ENTPD5: variants seen among roughly 807,000 people sequenced by gnomAD.
ENTPD5 encodes the protein ectonucleoside triphosphate diphosphohydrolase 5 (inactive).
Under a neutral mutation model 60.2 loss-of-function variants are expected in ENTPD5, and 49 were observed. That is an observed-to-expected ratio of 0.81 (90% CI 0.65 to 1.03). ENTPD5 has a LOEUF of 1.03. ENTPD5 is among the 50% of genes least tolerant of loss of function. ENTPD5 has a pLI of 0.00. For synonymous variants in ENTPD5, 187 were observed against 185.4 expected (o/e 1.01, Z -0.07); for missense variants, 480 against 507.6 (o/e 0.95, Z 0.52).
rs1300601970 is a variant in ENTPD5 at position 74,019,247 on chromosome 14, C to T, written c.-238+3G>A. ...CCGGCGCCGCCGACACTCGCACACTCACCGCGCGCGCGCCACCCTTGCGCG... is the reference window on the plus strand; with the variant it reads ...CCGGCGCCGCCGACACTCGCACACTTACCGCGCGCGCGCCACCCTTGCGCG... On this transcript the variant is annotated splice_donor_region_variant and intron_variant, in intron 1 of 15. Transcript: ENST00000334696. 1 of 216,122 alleles carries T rather than the reference C, an allele frequency of 4.6e-6. No individual in the cohort carries two copies. Among genetic ancestry groups the T allele is most frequent in the East Asian group, 1.8e-4 (1 of 5,506 alleles). 13.4% of individuals were successfully genotyped at this position (216,122 alleles called of 1,614,324 possible).
intron 3 of ENTPD5, 61 bp downstream of exon 3, chr14:74,011,030 G>T: frequency 3.5e-6 from 1 of 286,150 alleles, no homozygotes; most frequent in Non-Finnish European, 5.2e-6. Flanking sequence ...GAACAACAAA[G>T]CAGAATTTGC....
Position 73,987,014 on chromosome 14 carries a change from T to A in ENTPD5, c.218-121A>T, listed in dbSNP as rs28758488. ...ACTTCCCTGAAGTTATCCCAAATGA[T>A]CCTAGTTGTGAGGAATGTCTTGCAG... On this transcript the variant is annotated intron_variant, in intron 4 of 15. Coordinates refer to ENST00000334696, the MANE Select transcript of ENTPD5 (RefSeq NM_001249.5). The A allele has an allele frequency of 2.2e-3, 1,699 of 776,156 alleles. 20 individuals are homozygous for A. The African/African-American group carries it at 0.026, about 12-fold the overall frequency. 48.1% of individuals were successfully genotyped at this position (776,156 alleles called of 1,614,324 possible). A position where few individuals can be genotyped will look rare whatever the true frequency, so the allele number is the denominator to read the frequency against.
At chr14:73,967,571 C>G (rs1449221788) in intron 15 of ENTPD5, among the ~76,000 whole-genome samples, 2 of 152,060 alleles carry the variant, frequency 1.3e-5, no homozygotes, top group Non-Finnish European at 2.9e-5. Context: ...CTTTGGGAGG[C>G]CAAGGCAGGT....
chr14:73,960,468 A>G (rs1231810804), downstream of ENTPD5: 1 of 992,576 alleles, frequency 1.0e-6, no homozygotes, highest in Non-Finnish European at 1.2e-6. Context: ...GCTCTGTAGT[A>G]GCAACAAGAA....
chr14:73,963,262 A>G lies in ENTPD5; in HGVS notation c.*3666T>C. On this transcript the variant is annotated 3_prime_UTR_variant, in exon 16 of 16. Transcript: ENST00000334696. ...GAAAAGAGCTTTTTATTACTAAAAAACCCACAAGGTGCTGTCTCACTCATT... is the reference window on the plus strand; with the variant it reads ...GAAAAGAGCTTTTTATTACTAAAAAGCCCACAAGGTGCTGTCTCACTCATT... 1.8e-6 allele frequency: 1 copy of G among 561,644 alleles called. No homozygotes were observed. 34.8% of individuals were successfully genotyped at this position (561,644 alleles called of 1,614,324 possible).
intron 2 of ENTPD5, among the ~76,000 whole-genome samples, chr14:74,015,140 T>A (rs12893760): frequency 6.6e-6 from 1 of 151,876 alleles, no homozygotes; most frequent in African/African-American, 2.4e-5. Context: ...AATATATTTA[T>A]TCAGGATTCT....
chr14:73,987,840 A>G (rs1343328354), intron 4 of ENTPD5, 46 bp downstream of exon 4: 32 of 1,568,642 alleles, frequency 2.0e-5, no homozygotes, highest in Non-Finnish European at 2.7e-5. Flanking sequence ...AGGAGATGCT[A>G]AAGTGTGGAT....
chr14:74,016,926 AC>A (rs1374034723), intron 1 of ENTPD5, among the ~76,000 whole-genome samples: 1 of 152,230 alleles, frequency 6.6e-6, no homozygotes, highest in East Asian at 1.9e-4. Flanking sequence ...ATTAATGGTA[AC>A]TTTATAGATT....
chr14:73,969,051 C>A (rs1399268668), intron 15 of ENTPD5, among the ~76,000 whole-genome samples: 2 of 152,192 alleles, frequency 1.3e-5, no homozygotes, highest in African/African-American at 2.4e-5. Context: ...ACTGGTGACA[C>A]CCTCTTGGTC....
downstream of ENTPD5, chr14:73,955,997 A>G (rs751093818): frequency 6.2e-7 from 1 of 1,602,328 alleles, no homozygotes; most frequent in Non-Finnish European, 8.5e-7. Context: ...GGAAGAAAGG[A>G]TCTCTTTTAC....
At position 73,972,987 on chromosome 14, in the gene ENTPD5, C is replaced by T. The variant is rs2057292219; in HGVS notation, c.924G>A (p.Leu308=). Residue 308 remains leucine (L), a synonymous_variant, in exon 13 of 16, where the codon CTG becomes CTA. Coordinates refer to ENST00000334696, the MANE Select transcript of ENTPD5 (RefSeq NM_001249.5). The stretch of plus-strand genomic sequence containing the variant: ...GGTGAAGTTTTCCTCGTACCACCCT[C>T]AGCACTTCGGCATAGCAGGGCTCAA... ...VGFEPCYAEV[L]RVVRGKLHQP... 3 of 1,614,240 alleles carry T rather than the reference C, an allele frequency of 1.9e-6. No individual in the cohort carries two copies. Among genetic ancestry groups the T allele is most frequent in the East Asian group, 4.5e-5 (2 of 44,888 alleles).
Position 73,976,372 on chromosome 14 carries a change from C to G in ENTPD5, c.594G>C (p.Leu198Phe), listed in dbSNP as rs1283307416. The G allele has an allele frequency of 6.2e-7, 1 of 1,614,180 alleles. No homozygotes were observed. The highest frequency in any genetic ancestry group is 8.5e-7 in the Non-Finnish European group (1 of 1,180,022). Residue 198 changes from leucine (L) to phenylalanine (F), a missense_variant, in exon 9 of 16, where the codon TTG becomes TTC. Transcript: ENST00000334696. ...HGHRQETVGT[L>F]DLGGASTQIT... ...TTTGGGTGGAGGCTCCCCCTAGGTCCAAGGTCCCCACAGTCTCCTGTCTGT... is the reference window on the plus strand; with the variant it reads ...TTTGGGTGGAGGCTCCCCCTAGGTCGAAGGTCCCCACAGTCTCCTGTCTGT...
At chr14:73,961,981 C>A, downstream of ENTPD5, 1 of 1,541,766 alleles carries the variant, frequency 6.5e-7, no homozygotes, top group South Asian at 1.1e-5. Flanking sequence ...GAGTCTTGGT[C>A]TTATCGCCCA....
chr14:73,972,075 A>G (rs2057251428), intron 13 of ENTPD5, among the ~76,000 whole-genome samples, 167 bp from the exon 14 acceptor site: 2 of 152,236 alleles, frequency 1.3e-5, no homozygotes, highest in South Asian at 4.1e-4. Context: ...CAATGGAAAA[A>G]ACAGACCCAT....
At chr14:73,998,884 A>G (rs2058419142) in intron 3 of ENTPD5, among the ~76,000 whole-genome samples, 2 of 152,168 alleles carry the variant, frequency 1.3e-5, no homozygotes, top group African/African-American at 4.8e-5. Flanking sequence ...TTGAGGTCAC[A>G]TAGTAGAGGA....
chr14:73,969,408 G>A (rs564976814), intron 15 of ENTPD5, among the ~76,000 whole-genome samples: 11 of 152,148 alleles, frequency 7.2e-5, no homozygotes, highest in African/African-American at 2.2e-4. Flanking sequence ...AATAAACCAT[G>A]TGGGCCGGGT....
At chr14:73,963,229 A>G (rs893553841), downstream of ENTPD5, 17 of 577,150 alleles carry the variant, frequency 2.9e-5, no homozygotes, top group Middle Eastern at 4.5e-4. Flanking sequence ...AAGACTTACA[A>G]TTTGGTTGAA....
Position 73,977,017 on chromosome 14 carries a change from G to A in ENTPD5, c.553+7C>T. 6.2e-7 allele frequency: 1 copy of A among 1,609,476 alleles called. No homozygotes were observed. The highest frequency in any genetic ancestry group is 1.3e-5 in the African/African-American group (1 of 74,960). On this transcript the variant is annotated splice_region_variant and intron_variant, in intron 8 of 15. Coordinates refer to ENST00000334696, the MANE Select transcript of ENTPD5 (RefSeq NM_001249.5). ...AAGCTCTAAAGATAAACTTGAGGATGTATTACCTGTCAGAAAATTCACAGT... is the reference window on the plus strand; with the variant it reads ...AAGCTCTAAAGATAAACTTGAGGATATATTACCTGTCAGAAAATTCACAGT...
intron 12 of ENTPD5, among the ~76,000 whole-genome samples, chr14:73,973,484 G>C (rs1566715368): frequency 6.6e-6 from 1 of 152,168 alleles, no homozygotes; most frequent in South Asian, 2.1e-4. Flanking sequence ...TTAGACCTAG[G>C]CTTAGAATAT....
Sources: allele counts gnomAD v4.1 joint callset (sites outside exome capture counted in the v4.1 genomes callset), GRCh38; gene constraint gnomAD v4.1.1; transcripts MANE v1.5; gene names NCBI Gene and HGNC (gene_info 2026-07-23, HGNC 2026-07-21).